The following HSPA6 variants were observed in gnomAD, a reference collection of about 807,000 sequenced individuals.
HSPA6 encodes heat shock 70 kDa protein 6.
For missense variants in HSPA6, 718 were observed against 860.9 expected, an observed-to-expected ratio of 0.83 and a Z score of 2.08; for synonymous variants, 312 against 368.2, an observed-to-expected ratio of 0.85 and a Z score of 1.75.
Position 161,525,224 on chromosome 1 carries a change from G to A in HSPA6, c.566G>A (p.Arg189Gln), listed in dbSNP as rs1057428989. The A allele has an allele frequency of 5.0e-6, 8 of 1,613,992 alleles. No individual in the cohort carries two copies. In the East Asian group the frequency reaches 6.7e-5, roughly 13 times the overall value. Residue 189 changes from arginine (R) to glutamine (Q), a missense_variant, in exon 1 of 1, where the codon CGG becomes CAG. Physicochemically the swap from Arg to Gln is conservative, Grantham distance 43. Transcript: ENST00000309758. Reference sequence around the variant, plus strand: ...GCTGCCATCGCCTATGGGCTGGACCGGCGGGGCGCGGGAGAGCGCAACGTG... The same window carrying A: ...GCTGCCATCGCCTATGGGCTGGACCAGCGGGGCGCGGGAGAGCGCAACGTG... ...TAAAIAYGLD[R>Q]RGAGERNVLI... is the part of the protein sequence containing the mutation.
At position 161,525,916 on chromosome 1, in the gene HSPA6, G is replaced by A. The variant is rs1321405408; in HGVS notation, c.1258G>A (p.Ala420Thr). 16 of 1,604,260 alleles carry A rather than the reference G, an allele frequency of 1.0e-5. No individual in the cohort carries two copies. The highest frequency in any genetic ancestry group is 3.3e-4 in the Middle Eastern group (2 of 6,028). ...GVMTTLIQRN[A>T]TIPTKQTQTF... ...GATGACCACGCTGATCCAGAGGAAC[G>A]CCACTATCCCCACCAAGCAGACCCA... Residue 420 changes from alanine (A) to threonine (T), a missense_variant, in exon 1 of 1, where the codon GCC becomes ACC. Transcript: ENST00000309758.
rs768856096 is a variant in HSPA6 at position 161,526,264 on chromosome 1, G to C, written c.1606G>C (p.Asp536His). 2 of 1,613,526 alleles carry C rather than the reference G, an allele frequency of 1.2e-6. No individual in the cohort carries two copies. The highest frequency in any genetic ancestry group is 1.7e-6 in the Non-Finnish European group (2 of 1,179,684). ...QYKAEDEAQRDRVAAKNSLEA... is the reference protein window; with the variant it reads ...QYKAEDEAQRHRVAAKNSLEA... ...CAAGGCTGAGGATGAGGCCCAGAGGGACAGAGTGGCTGCCAAAAACTCGCT... is the reference window on the plus strand; with the variant it reads ...CAAGGCTGAGGATGAGGCCCAGAGGCACAGAGTGGCTGCCAAAAACTCGCT... The change falls in exon 1 of 1, where the codon GAC becomes CAC. Residue 536 changes from aspartate to histidine, a missense_variant. By Grantham distance (81) the Asp-to-His change is moderately conservative. Coordinates refer to ENST00000309758, the MANE Select transcript of HSPA6 (RefSeq NM_002155.5).
chr1:161,526,125 C>T lies in HSPA6; in HGVS notation c.1467C>T (p.Ser489=), dbSNP rs756562408. ...TFDIDANGIL[S]VTATDRSTGK... ...ACATTGATGCTAATGGCATCCTGAGCGTGACAGCCACTGACAGGAGCACAG... is the reference window on the plus strand; with the variant it reads ...ACATTGATGCTAATGGCATCCTGAGTGTGACAGCCACTGACAGGAGCACAG... Residue 489 remains serine (S), a synonymous_variant, in exon 1 of 1, where the codon AGC becomes AGT. Transcript: ENST00000309758. 5.6e-6 allele frequency: 9 copies of T among 1,613,506 alleles called. No homozygotes were observed. The highest frequency in any genetic ancestry group is 2.2e-5 in the South Asian group (2 of 91,022).
chr1:161,525,698 A>G lies in HSPA6; in HGVS notation c.1040A>G (p.Lys347Arg), dbSNP rs756559306. ...GTGGGGGGCTCCACACGCATCCCCA[A>G]GGTGCAGAAGTTGCTGCAGGACTTC... Reference protein sequence around the residue: ...VLVGGSTRIPKVQKLLQDFFN... With the variant: ...VLVGGSTRIPRVQKLLQDFFN... The change falls in exon 1 of 1, where the codon AAG becomes AGG. Residue 347 changes from lysine to arginine, a missense_variant. Coordinates refer to ENST00000309758, the MANE Select transcript of HSPA6 (RefSeq NM_002155.5). 1.9e-6 allele frequency: 3 copies of G among 1,613,600 alleles called. No individual in the cohort carries two copies. Among genetic ancestry groups the G allele is most frequent in the East Asian group, 4.5e-5 (2 of 44,878 alleles).
chr1:161,525,158 C>T lies in HSPA6; in HGVS notation c.500C>T (p.Ala167Val). 1 of 1,613,874 alleles carries T rather than the reference C, an allele frequency of 6.2e-7. No individual in the cohort carries two copies. The highest frequency in any genetic ancestry group is 8.5e-7 in the Non-Finnish European group (1 of 1,179,962). Residue 167 changes from alanine to valine, a missense_variant, in exon 1 of 1, where the codon GCG (alanine) becomes GTG (valine). Coordinates refer to ENST00000309758, the MANE Select transcript of HSPA6 (RefSeq NM_002155.5). ...GCCACCAAGGACGCGGGGGCCATCGCGGGGCTCAACGTGTTGCGGATCATC... is the reference window on the plus strand; with the variant it reads ...GCCACCAAGGACGCGGGGGCCATCGTGGGGCTCAACGTGTTGCGGATCATC... ...RQATKDAGAI[A>V]GLNVLRIINE...
Position 161,526,161 on chromosome 1 carries a change from C to T in HSPA6, c.1503C>T (p.Asn501=), listed in dbSNP as rs1403657498. Residue 501 remains asparagine (N), a synonymous_variant, in exon 1 of 1, where the codon AAC becomes AAT. Coordinates refer to ENST00000309758, the MANE Select transcript of HSPA6 (RefSeq NM_002155.5). ...TATDRSTGKA[N]KITITNDKGR... Reference sequence around the variant, plus strand: ...CTGACAGGAGCACAGGTAAGGCTAACAAGATCACCATCACCAATGACAAGG... The same window carrying T: ...CTGACAGGAGCACAGGTAAGGCTAATAAGATCACCATCACCAATGACAAGG... 1 of 1,613,724 alleles carries T rather than the reference C, an allele frequency of 6.2e-7. No individual in the cohort carries two copies. Among genetic ancestry groups the T allele is most frequent in the Non-Finnish European group, 8.5e-7 (1 of 1,179,920 alleles).
chr1:161,525,792 G>C lies in HSPA6; in HGVS notation c.1134G>C (p.Gln378His). ...CTGTGGCCTATGGGGCTGCTGTGCA[G>C]GCGGCCGTGTTGATGGGGGACAAAT... ...DEAVAYGAAV[Q>H]AAVLMGDKCE... Residue 378 changes from glutamine (Q) to histidine (H), a missense_variant, in exon 1 of 1, where the codon CAG (glutamine) becomes CAC (histidine). Transcript: ENST00000309758. 6.2e-7 allele frequency: 1 copy of C among 1,602,156 alleles called. No homozygotes were observed. The highest frequency in any genetic ancestry group is 8.5e-7 in the Non-Finnish European group (1 of 1,173,070).
rs888591388 is a variant in HSPA6 at position 161,526,665 on chromosome 1, T to C, written c.*75T>C. On this transcript the variant is annotated 3_prime_UTR_variant, in exon 1 of 1. Transcript: ENST00000309758. ...CCTTCTAGACTGTCTTCTATGATCCTGCCCTTCAGAGATGAACTTTCCCTC... is the reference window on the plus strand; with the variant it reads ...CCTTCTAGACTGTCTTCTATGATCCCGCCCTTCAGAGATGAACTTTCCCTC... 3 of 1,372,496 alleles carry C rather than the reference T, an allele frequency of 2.2e-6. No individual in the cohort carries two copies. The African/African-American group carries it at 4.4e-5, about 20-fold the overall frequency. 85.0% of individuals were successfully genotyped at this position (1,372,496 alleles called of 1,614,324 possible).
In HSPA6 at chr1:161,525,895, A is replaced by G; in HGVS notation, c.1237A>G (p.Thr413Ala). Residue 413 changes from threonine (T) to alanine (A), a missense_variant, in exon 1 of 1, where the codon ACC (threonine) becomes GCC (alanine). Transcript: ENST00000309758. ...LGLETAGGVM[T>A]TLIQRNATIP... is the part of the protein sequence containing the mutation. The stretch of plus-strand genomic sequence containing the variant: ...GCTGGAGACAGCAGGTGGGGTGATG[A>G]CCACGCTGATCCAGAGGAACGCCAC... 1 of 1,595,416 alleles carries G rather than the reference A, an allele frequency of 6.3e-7. No homozygotes were observed. The highest frequency in any genetic ancestry group is 8.6e-7 in the Non-Finnish European group (1 of 1,168,374).
chr1:161,525,475 A>C lies in HSPA6; in HGVS notation c.817A>C (p.Lys273Gln). ...GCTGCGCACAGCCTGTGAGCGCGCC[A>C]AGCGCACCCTGTCCTCCAGCACCCA... ...RRLRTACERA[K>Q]RTLSSSTQAT... The change falls in exon 1 of 1, where the codon AAG (lysine) becomes CAG (glutamine). Residue 273 changes from lysine to glutamine, a missense_variant. Physicochemically the swap from Lys to Gln is moderately conservative, Grantham distance 53 (BLOSUM62 1). Coordinates refer to ENST00000309758, the MANE Select transcript of HSPA6 (RefSeq NM_002155.5). 1 of 1,613,360 alleles carries C rather than the reference A, an allele frequency of 6.2e-7. No individual in the cohort carries two copies. The highest frequency in any genetic ancestry group is 8.5e-7 in the Non-Finnish European group (1 of 1,179,654).
In HSPA6 at chr1:161,526,317, T is replaced by C; in HGVS notation, c.1659T>C (p.Gly553=). 3.1e-6 allele frequency: 5 copies of C among 1,607,512 alleles called. 1 individual carries two copies. Among genetic ancestry groups the C allele is most frequent in the Non-Finnish European group, 4.2e-6 (5 of 1,176,558 alleles). Reference sequence around the variant, plus strand: ...AGGCCCATGTCTTCCATGTGAAAGGTTCTTTGCAAGAGGAAAGCCTTAGGG... The same window carrying C: ...AGGCCCATGTCTTCCATGTGAAAGGCTCTTTGCAAGAGGAAAGCCTTAGGG... ...SLEAHVFHVK[G]SLQEESLRDK... is the part of the protein sequence containing the mutation. The change falls in exon 1 of 1, where the codon GGT becomes GGC. Residue 553 remains glycine, a synonymous_variant. Transcript: ENST00000309758.
chr1:161,525,469 C>G lies in HSPA6; in HGVS notation c.811C>G (p.Arg271Gly). The change falls in exon 1 of 1, where the codon CGC (arginine) becomes GGC (glycine). Residue 271 changes from arginine to glycine, a missense_variant. Transcript: ENST00000309758. ...ALRRLRTACE[R>G]AKRTLSSSTQ... ...GCGCAGGCTGCGCACAGCCTGTGAG[C>G]GCGCCAAGCGCACCCTGTCCTCCAG... 6.2e-7 allele frequency: 1 copy of G among 1,613,222 alleles called. No homozygotes were observed. Among genetic ancestry groups the G allele is most frequent in the Non-Finnish European group, 8.5e-7 (1 of 1,179,588 alleles).
Position 161,524,701 on chromosome 1 carries a change from A to G in HSPA6, c.43A>G (p.Thr15Ala), listed in dbSNP as rs1169742852. 7.1e-6 allele frequency: 10 copies of G among 1,411,230 alleles called. No homozygotes were observed. Among genetic ancestry groups the G allele is most frequent in the Non-Finnish European group, 9.7e-6 (10 of 1,030,316 alleles). The allele number at this position is 1,411,230 out of a possible 1,614,324, so 87.4% of individuals were successfully genotyped here. ...RELAVGIDLG[T>A]TYSCVGVFQQ... The stretch of plus-strand genomic sequence containing the variant: ...GCTCGCGGTGGGCATCGACCTGGGC[A>G]CCACCTACTCGTGCGTGGGCGTGTT... Residue 15 changes from threonine (T) to alanine (A), a missense_variant, in exon 1 of 1, where the codon ACC becomes GCC. Thr to Ala is a moderately conservative substitution (Grantham distance 58). Coordinates refer to ENST00000309758, the MANE Select transcript of HSPA6 (RefSeq NM_002155.5).
At position 161,526,025 on chromosome 1, in the gene HSPA6, A is replaced by G; in HGVS notation, c.1367A>G (p.Asn456Ser). Reference protein sequence around the residue: ...EGERAMTKDNNLLGRFELSGI... With the variant: ...EGERAMTKDNSLLGRFELSGI... ...GAGAGGGCCATGACCAAGGACAACA[A>G]CCTGCTGGGGCGTTTTGAACTCAGT... The change falls in exon 1 of 1, where the codon AAC becomes AGC. Residue 456 changes from asparagine (N) to serine (S), a missense_variant. By Grantham distance (46) the Asn-to-Ser change is conservative (BLOSUM62 1). Coordinates refer to ENST00000309758, the MANE Select transcript of HSPA6 (RefSeq NM_002155.5). 2 of 1,613,648 alleles carry G rather than the reference A, an allele frequency of 1.2e-6. No individual in the cohort carries two copies. Among genetic ancestry groups the G allele is most frequent in the Non-Finnish European group, 8.5e-7 (1 of 1,179,814 alleles).
rs1676650167 is a variant in HSPA6 at position 161,525,369 on chromosome 1, C to T, written c.711C>T (p.Asn237=). ...ACCTGGGAGGAGAGGACTTCGACAA[C>T]CGGCTCGTGAACCACTTCATGGAAG... The part of the protein sequence containing the change: ...DTHLGGEDFD[N]RLVNHFMEEF... The change falls in exon 1 of 1, where the codon AAC becomes AAT. Residue 237 remains asparagine (N), a synonymous_variant. Transcript: ENST00000309758. 2 of 1,612,806 alleles carry T rather than the reference C, an allele frequency of 1.2e-6. No individual in the cohort carries two copies. Among genetic ancestry groups the T allele is most frequent in the East Asian group, 2.2e-5 (1 of 44,824 alleles).
rs776820851 is a variant in HSPA6 at position 161,525,902 on chromosome 1, T to C, written c.1244T>C (p.Leu415Pro). Residue 415 changes from leucine to proline, a missense_variant, in exon 1 of 1, where the codon CTG (leucine) becomes CCG (proline). By Grantham distance (98) the Leu-to-Pro change is moderately conservative. Coordinates refer to ENST00000309758, the MANE Select transcript of HSPA6 (RefSeq NM_002155.5). ...ACAGCAGGTGGGGTGATGACCACGCTGATCCAGAGGAACGCCACTATCCCC... is the reference window on the plus strand; with the variant it reads ...ACAGCAGGTGGGGTGATGACCACGCCGATCCAGAGGAACGCCACTATCCCC... ...LETAGGVMTTLIQRNATIPTK... is the reference protein window; with the variant it reads ...LETAGGVMTTPIQRNATIPTK... 4.3e-5 allele frequency: 69 copies of C among 1,598,544 alleles called. No individual in the cohort carries two copies. Among genetic ancestry groups the C allele is most frequent in the Non-Finnish European group, 5.6e-5 (65 of 1,170,364 alleles).
rs1239026192 is a variant in HSPA6, at chr1:161,525,477, G to C, written c.819G>C (p.Lys273Asn). ...RRLRTACERA[K>N]RTLSSSTQAT... ...TGCGCACAGCCTGTGAGCGCGCCAA[G>C]CGCACCCTGTCCTCCAGCACCCAGG... The change falls in exon 1 of 1, where the codon AAG becomes AAC. Residue 273 changes from lysine (K) to asparagine (N), a missense_variant. By Grantham distance (94) the Lys-to-Asn change is moderately conservative. Coordinates refer to ENST00000309758, the MANE Select transcript of HSPA6 (RefSeq NM_002155.5). 6.2e-7 allele frequency: 1 copy of C among 1,613,420 alleles called. No homozygotes were observed. Among genetic ancestry groups the C allele is most frequent in the Admixed American group, 1.7e-5 (1 of 59,952 alleles).
Position 161,525,618 on chromosome 1 carries a change from G to C in HSPA6, c.960G>C (p.Glu320Asp). The change falls in exon 1 of 1, where the codon GAG (glutamate) becomes GAC (aspartate). Residue 320 changes from glutamate (E) to aspartate (D), a missense_variant. By Grantham distance (45) the Glu-to-Asp change is conservative. Coordinates refer to ENST00000309758, the MANE Select transcript of HSPA6 (RefSeq NM_002155.5). The stretch of plus-strand genomic sequence containing the variant: ...TCCGCAGCACCCTGGAGCCGGTGGA[G>C]AAGGCCCTGCGGGATGCCAAGCTGG... ...DLFRSTLEPV[E>D]KALRDAKLDK... 1 of 1,613,818 alleles carries C rather than the reference G, an allele frequency of 6.2e-7. No individual in the cohort carries two copies. The highest frequency in any genetic ancestry group is 8.5e-7 in the Non-Finnish European group (1 of 1,179,848).
chr1:161,525,598 A>G lies in HSPA6; in HGVS notation c.940A>G (p.Ser314Gly). Reference protein sequence around the residue: ...FEELCSDLFRSTLEPVEKALR... With the variant: ...FEELCSDLFRGTLEPVEKALR... ...GGAACTGTGCTCAGACCTCTTCCGC[A>G]GCACCCTGGAGCCGGTGGAGAAGGC... The change falls in exon 1 of 1, where the codon AGC becomes GGC. Residue 314 changes from serine to glycine, a missense_variant. Physicochemically the swap from Ser to Gly is moderately conservative, Grantham distance 56. Transcript: ENST00000309758. 6.2e-7 allele frequency: 1 copy of G among 1,613,554 alleles called. No homozygotes were observed. The highest frequency in any genetic ancestry group is 1.7e-5 in the Admixed American group (1 of 59,962).
Sources: gnomAD v4.1 joint callset for allele counts on GRCh38, gnomAD v4.1.1 for gene constraint, MANE v1.5 for transcripts, NCBI Gene and HGNC (gene_info 2026-07-23, HGNC 2026-07-21) for gene names.